The following RABEP1 variants were observed in gnomAD, a reference collection of about 807,000 sequenced individuals.
The protein encoded by RABEP1 is rab GTPase-binding effector protein 1.
Under a neutral mutation model 123.4 loss-of-function variants are expected in RABEP1, and 51 were observed. The observed-to-expected ratio is 0.41, with a 90% confidence interval of 0.33 to 0.52. The LOEUF (loss-of-function observed/expected upper bound fraction) is 0.52. Ranked by LOEUF, RABEP1 falls within the 20% of genes least tolerant of loss-of-function variation. The probability of loss-of-function intolerance (pLI) is 0.16; values close to 1 mark genes in which losing one functional copy is unlikely to be tolerated. For synonymous variants in RABEP1, 347 were observed against 355.2 expected, an observed-to-expected ratio of 0.98 and a Z score of 0.26; for missense variants, 888 against 996.3, an observed-to-expected ratio of 0.89 and a Z score of 1.46.
chr17:5,297,560 T>C (rs1190406593), intron 1 of RABEP1, among the ~76,000 whole-genome samples: 1 of 152,206 alleles, frequency 6.6e-6, no homozygotes, highest in Non-Finnish European at 1.5e-5. Context: ...TGTATATCAA[T>C]AGGTTAGCTT....
intron 2 of RABEP1, among the ~76,000 whole-genome samples, chr17:5,329,818 CATATATAT>C (rs61446536): frequency 2.1e-5 from 3 of 143,092 alleles, no homozygotes; most frequent in Admixed American, 1.4e-4. Context: ...TATATATGTT[CATATATAT>C]ATATATATAT....
In RABEP1 at chr17:5,332,009, G is replaced by A. The variant is rs764134334; in HGVS notation, c.224G>A (p.Arg75Gln). Reference sequence around the variant, plus strand: ...GCACAAGATGATTTGGGACACCTTCGAACCCAGCTGTGGGAAGCTCAAGCA... The same window carrying A: ...GCACAAGATGATTTGGGACACCTTCAAACCCAGCTGTGGGAAGCTCAAGCA... ...QAAQDDLGHL[R>Q]TQLWEAQAEM... is the part of the protein sequence containing the mutation. The change falls in exon 3 of 18, where the codon CGA becomes CAA. Residue 75 changes from arginine to glutamine, a missense_variant. Coordinates refer to ENST00000537505, the MANE Select transcript of RABEP1 (RefSeq NM_004703.6). 11 of 1,613,826 alleles carry A rather than the reference G, an allele frequency of 6.8e-6. No homozygotes were observed. The African/African-American group carries it at 1.1e-4, about 16-fold the overall frequency.
intron 16 of RABEP1, 44 bp from the exon 17 acceptor site, chr17:5,381,345 C>T (rs367610780): frequency 7.3e-5 from 116 of 1,591,014 alleles, no homozygotes; most frequent in African/African-American, 3.2e-4. Context: ...CTAAGTAATT[C>T]GGCCCTTTGG....
chr17:5,283,772 G>T (rs1373509967), intron 1 of RABEP1: 1 of 152,182 alleles, frequency 6.6e-6, no homozygotes, highest in African/African-American at 2.4e-5. Flanking sequence ...TCTGGGAAAT[G>T]TGCTTCAGAG....
At chr17:5,307,139 G>C (rs1257688234) in intron 1 of RABEP1, among the ~76,000 whole-genome samples, 1 of 152,166 alleles carries the variant, frequency 6.6e-6, no homozygotes, top group African/African-American at 2.4e-5. Context: ...ACCAACATGT[G>C]AAACCCCGTC....
At chr17:5,381,853 G>A (rs1360303812) in intron 17 of RABEP1, 1 of 179,960 alleles carries the variant, frequency 5.6e-6, no homozygotes, top group East Asian at 1.7e-4. Context: ...CTCGCCCACA[G>A]CGTGGTGTTC....
intron 6 of RABEP1, among the ~76,000 whole-genome samples, chr17:5,349,302 T>C (rs1241754475): frequency 7.9e-5 from 12 of 152,188 alleles, no homozygotes; most frequent in Non-Finnish European, 1.6e-4. Flanking sequence ...TTGTAGTTGT[T>C]TAAGTCATAA....
intron 1 of RABEP1, among the ~76,000 whole-genome samples, chr17:5,287,927 C>T (rs895009614): frequency 1.3e-5 from 2 of 151,806 alleles, no homozygotes; most frequent in African/African-American, 4.8e-5. Flanking sequence ...AAAAATCACT[C>T]TGACTGCTGG....
chr17:5,338,463 G>T (rs867053725), intron 5 of RABEP1, among the ~76,000 whole-genome samples: 2 of 152,212 alleles, frequency 1.3e-5, no homozygotes, highest in Non-Finnish European at 2.9e-5. Flanking sequence ...CCAGCCTCGG[G>T]AGGCTGAGGC....
rs1216252378 is a variant in RABEP1, at chr17:5,327,362, AC to A, written c.164-4583del. Among the ~76,000 whole-genome samples, 53 of 151,060 alleles carry A rather than the reference AC, an allele frequency of 3.5e-4. 1 individual carries two copies. The highest frequency in any genetic ancestry group is 1.2e-3 in the African/African-American group (50 of 41,134). ...GATTCTGTCTCAAAAAAAAAAAAAAACCCCAAAAAACAAACAAAACCCAAAA... is the reference window on the plus strand; with the variant it reads ...GATTCTGTCTCAAAAAAAAAAAAAAACCCAAAAAACAAACAAAACCCAAAA... On this transcript the variant is annotated intron_variant, in intron 2 of 17. Transcript: ENST00000537505.
In RABEP1 at chr17:5,352,683, T is replaced by C. The variant is rs182584718; in HGVS notation, c.964-1676T>C. On this transcript the variant is annotated intron_variant, in intron 7 of 17. Transcript: ENST00000537505. ...CCACCTCTACTAAAAATACAAAAAT[T>C]AGCCAGGTGTGGTGGCATGTGCCTG... 6.4e-3 allele frequency among the ~76,000 whole-genome samples: 978 copies of C among 151,862 alleles called. 4 individuals carry two copies. Among genetic ancestry groups the C allele is most frequent in the Non-Finnish European group, 0.012 (796 of 67,928 alleles).
chr17:5,313,273 G>T (rs1018780253), intron 2 of RABEP1, among the ~76,000 whole-genome samples: 2 of 152,120 alleles, frequency 1.3e-5, no homozygotes, highest in East Asian at 1.9e-4. Flanking sequence ...ATATATAAAA[G>T]GTTGTGGTAG....
intron 1 of RABEP1, among the ~76,000 whole-genome samples, chr17:5,301,548 A>G (rs2075135010): frequency 6.6e-6 from 1 of 152,208 alleles, no homozygotes; most frequent in South Asian, 2.1e-4. Context: ...CCTGAACCAG[A>G]ATATAAATCC....
At chr17:5,294,366 A>G (rs1324277020) in intron 1 of RABEP1, among the ~76,000 whole-genome samples, 2 of 152,110 alleles carry the variant, frequency 1.3e-5, no homozygotes, top group Admixed American at 6.6e-5. Context: ...CCTGGGTGAC[A>G]GTGAGACTCC....
intron 1 of RABEP1, among the ~76,000 whole-genome samples, chr17:5,300,641 T>C (rs1056534990): frequency 3.9e-5 from 6 of 152,212 alleles, no homozygotes; most frequent in Admixed American, 1.3e-4. Context: ...AAGTGTTTCC[T>C]ACCCTCTAAC....
intron 14 of RABEP1, 110 bp downstream of exon 14, chr17:5,377,415 T>C: frequency 1.7e-5 from 12 of 700,268 alleles, no homozygotes; most frequent in East Asian, 3.2e-5. Flanking sequence ...TAGGAAAGAA[T>C]TTAGTAAGGA....
At chr17:5,320,665 CTT>C (rs1395527188) in intron 2 of RABEP1, among the ~76,000 whole-genome samples, 1 of 152,102 alleles carries the variant, frequency 6.6e-6, no homozygotes, top group Non-Finnish European at 1.5e-5. Flanking sequence ...TTTTTTCCCA[CTT>C]ATTTCTTTGT....
intron 12 of RABEP1, chr17:5,371,672 A>T (rs1910541682): frequency 6.6e-6 from 1 of 152,202 alleles, no homozygotes; most frequent in Non-Finnish European, 1.5e-5. Context: ...TGTCCTTCAG[A>T]ATGCAGCTCA....
At position 5,362,509 on chromosome 17, in the gene RABEP1, C is replaced by T. The variant is rs74394886; in HGVS notation, c.1564-403C>T. On this transcript the variant is annotated intron_variant, in intron 9 of 17. Transcript: ENST00000537505. ...TCTCATTGGTCTTATGTAACACATA[C>T]GTGAGAAGGTGCTATTTACTAGTTT... Among the ~76,000 whole-genome samples the T allele has an allele frequency of 3.3e-3, 499 of 152,306 alleles. 3 individuals carry two copies. The highest frequency in any genetic ancestry group is 0.011 in the African/African-American group (458 of 41,576).
Sources: gnomAD v4.1 joint callset for allele counts (sites outside exome capture counted in the v4.1 genomes callset) on GRCh38, gnomAD v4.1.1 for gene constraint, MANE v1.5 for transcripts, NCBI Gene and HGNC (gene_info 2026-07-23, HGNC 2026-07-21) for gene names.